The following PIK3R5 variants were observed in gnomAD, a reference collection of about 807,000 sequenced individuals.
The protein encoded by PIK3R5 is phosphoinositide-3-kinase regulatory subunit 5.
PIK3R5 carries 32 observed loss-of-function variants against 94.9 expected under a neutral mutation model. That is an observed-to-expected ratio of 0.34 (90% CI 0.25 to 0.45). The LOEUF (loss-of-function observed/expected upper bound fraction) is 0.45, where lower values mean the gene tolerates loss of function less well. Among genes scored for constraint, PIK3R5 ranks in the 20% least tolerant of loss-of-function variants. The pLI, the probability that PIK3R5 is intolerant of heterozygous loss-of-function variation, is 1.00. For synonymous variants in PIK3R5, 443 were observed against 479.4 expected, an observed-to-expected ratio of 0.92 and a Z score of 0.99; for missense variants, 853 against 1,144.6, an observed-to-expected ratio of 0.75 and a Z score of 3.68.
chr17:8,899,313 G>T (rs1185179517), intron 5 of PIK3R5, among the ~76,000 whole-genome samples: 2 of 152,138 alleles, frequency 1.3e-5, no homozygotes, highest in Non-Finnish European at 2.9e-5. Flanking sequence ...TCATTTCCAT[G>T]GCAACTGGGT....
Position 8,896,057 on chromosome 17 carries a change from C to T in PIK3R5, c.413-2402G>A, listed in dbSNP as rs1344728727. The stretch of plus-strand genomic sequence containing the variant: ...TGAGCTGGGAACACATTAGAAAAGA[C>T]TGTGCAATGTGGAGGAGGCTTTGAT... On this transcript the variant is annotated intron_variant, in intron 5 of 18. Coordinates refer to ENST00000447110, the MANE Select transcript of PIK3R5 (RefSeq NM_001142633.3). This position sits in a 1 kb window ranked among gnomAD's most constrained non-coding sequence, Gnocchi z 4.0. 6.6e-6 allele frequency among the ~76,000 whole-genome samples: 1 copy of T among 152,174 alleles called. No individual in the cohort carries two copies. Among genetic ancestry groups the T allele is most frequent in the African/African-American group, 2.4e-5 (1 of 41,434 alleles).
chr17:8,911,534 C>A lies in PIK3R5; in HGVS notation c.-13-27G>T. ...TGCATGGGGGACAGACGCCGGTCAGCTTGTCGAGCTCCTTTCCCAGAGAGC... is the reference window on the plus strand; with the variant it reads ...TGCATGGGGGACAGACGCCGGTCAGATTGTCGAGCTCCTTTCCCAGAGAGC... On this transcript the variant is annotated intron_variant, in intron 1 of 18. Coordinates refer to ENST00000447110, the MANE Select transcript of PIK3R5 (RefSeq NM_001142633.3). The surrounding 1 kb of genome is among the most constrained non-coding windows in gnomAD (Gnocchi z 5.3). The A allele has an allele frequency of 6.8e-7, 1 of 1,470,474 alleles. No individual in the cohort carries two copies. The highest frequency in any genetic ancestry group is 9.4e-7 in the Non-Finnish European group (1 of 1,067,768). 91.1% of individuals were successfully genotyped at this position (1,470,474 alleles called of 1,614,324 possible).
At position 8,960,997 on chromosome 17, in the gene PIK3R5, A is replaced by G. The variant is rs888156115; in HGVS notation, c.-14+4599T>C. On this transcript the variant is annotated intron_variant, in intron 1 of 18. Coordinates refer to ENST00000447110, the MANE Select transcript of PIK3R5 (RefSeq NM_001142633.3). The stretch of plus-strand genomic sequence containing the variant: ...AGGGTGAGCAGGCCATAGCTGTGCC[A>G]GGTCACTGGTCCCCCTGTAGGCCTG... Among the ~76,000 whole-genome samples, 121 of 152,328 alleles carry G rather than the reference A, an allele frequency of 7.9e-4. 1 individual carries two copies. Among genetic ancestry groups the G allele is most frequent in the African/African-American group, 2.6e-3 (110 of 41,560 alleles).
chr17:8,955,472 C>T lies in PIK3R5; in HGVS notation c.-14+10124G>A, dbSNP rs1291539637. ...TGGAGAAAGGAGTGGGACTCAACTT[C>T]GAAACCTGAACAGAAGACTAAGGAC... is the stretch of plus-strand genomic sequence containing the variant. On this transcript the variant is annotated intron_variant, in intron 1 of 18. Transcript: ENST00000447110. The surrounding 1 kb of genome is among the most constrained non-coding windows in gnomAD (Gnocchi z 4.4). 1.3e-5 allele frequency among the ~76,000 whole-genome samples: 2 copies of T among 152,174 alleles called. No individual in the cohort carries two copies. The highest frequency in any genetic ancestry group is 2.4e-5 in the African/African-American group (1 of 41,426).
intron 1 of PIK3R5, among the ~76,000 whole-genome samples, chr17:8,928,898 C>A (rs2090937723): frequency 1.3e-5 from 2 of 152,022 alleles, no homozygotes; most frequent in Admixed American, 1.3e-4. Flanking sequence ...TCTTAGATGG[C>A]TGAATAAAAA....
chr17:8,880,834 C>T, intron 18 of PIK3R5, 48 bp from the exon 19 acceptor site: 2 of 1,613,140 alleles, frequency 1.2e-6, no homozygotes, highest in Non-Finnish European at 1.7e-6. Context: ...CCCCATCCTT[C>T]CAGCTCCTTC....
chr17:8,947,604 CAG>C (rs1405534614), intron 1 of PIK3R5, among the ~76,000 whole-genome samples: 1 of 152,058 alleles, frequency 6.6e-6, no homozygotes, highest in Non-Finnish European at 1.5e-5. Context: ...GAAGGCAAGT[CAG>C]AGAGTGTCAC....
intron 1 of PIK3R5, among the ~76,000 whole-genome samples, chr17:8,931,278 A>G (rs12453818): frequency 0.56 from 84,730 of 152,006 alleles, 26,461 homozygotes; most frequent in Non-Finnish European, 0.7. Flanking sequence ...TTATCTCATA[A>G]AAGAGGTGAT....
Position 8,909,116 on chromosome 17 carries a change from G to A in PIK3R5, c.162C>T (p.His54=). 1 of 1,609,950 alleles carries A rather than the reference G, an allele frequency of 6.2e-7. No individual in the cohort carries two copies. Among genetic ancestry groups the A allele is most frequent in the Non-Finnish European group, 8.5e-7 (1 of 1,177,904 alleles). The stretch of plus-strand genomic sequence containing the variant: ...GGATCTGCTCAAGGAGGATAAGGAA[G>A]TGGCCCGGGTCCCTGCTGACCAGCT... ...LQELVSRDPG[H]FLILLEQILQ... The change falls in exon 3 of 19, where the codon CAC becomes CAT. Residue 54 remains histidine, a synonymous_variant. Transcript: ENST00000447110. This position sits in a 1 kb window ranked among gnomAD's most constrained non-coding sequence, Gnocchi z 4.3.
intron 14 of PIK3R5, chr17:8,885,082 C>T: frequency 2.5e-6 from 1 of 396,286 alleles, no homozygotes; most frequent in South Asian, 2.5e-5. Context: ...GGTCCTGCCT[C>T]TCCAGGGCCC....
chr17:8,888,948 T>C lies in PIK3R5; in HGVS notation c.896-57A>G, dbSNP rs2089955721. On this transcript the variant is annotated intron_variant, in intron 9 of 18. Transcript: ENST00000447110. This position sits in a 1 kb window ranked among gnomAD's most constrained non-coding sequence, Gnocchi z 7.8. ...CGTCTGGGCCCCGGATCCCCTTCTA[T>C]ATTCCCTTTGGAGGGGAGACAGCAG... is the stretch of plus-strand genomic sequence containing the variant. 4 of 1,550,754 alleles carry C rather than the reference T, an allele frequency of 2.6e-6. No homozygotes were observed. The highest frequency in any genetic ancestry group is 1.4e-5 in the African/African-American group (1 of 73,760).
At chr17:8,927,144 C>A (rs564025866) in intron 1 of PIK3R5, among the ~76,000 whole-genome samples, 17 of 152,276 alleles carry the variant, frequency 1.1e-4, no homozygotes, top group African/African-American at 4.1e-4. Flanking sequence ...AGCTGAACAG[C>A]CAGCAATCTG....
rs556074701 is a variant in PIK3R5 at position 8,896,106 on chromosome 17, A to T, written c.413-2451T>A. 6.6e-5 allele frequency among the ~76,000 whole-genome samples: 10 copies of T among 151,620 alleles called. No individual in the cohort carries two copies. The South Asian group carries it at 1.9e-3, about 28-fold the overall frequency. On this transcript the variant is annotated intron_variant, in intron 5 of 18. Coordinates refer to ENST00000447110, the MANE Select transcript of PIK3R5 (RefSeq NM_001142633.3). The surrounding 1 kb of genome is among the most constrained non-coding windows in gnomAD (Gnocchi z 4.0). ...ATAATATAAGCTTTTGTACAGACTG[A>T]CTCCTTTGAGCCTGGCTTAGAGATT...
chr17:8,956,662 G>A (rs887734321), intron 1 of PIK3R5, among the ~76,000 whole-genome samples: 5 of 152,150 alleles, frequency 3.3e-5, no homozygotes, highest in South Asian at 2.1e-4. Context: ...AGAGCTTTTC[G>A]TTTTCTCAAA....
intron 1 of PIK3R5, among the ~76,000 whole-genome samples, chr17:8,927,162 G>A (rs1016555876): frequency 4.6e-5 from 7 of 152,152 alleles, no homozygotes; most frequent in Non-Finnish European, 1.0e-4. Flanking sequence ...CTGAAAAAAT[G>A]GGTGCAGATT....
chr17:8,898,207 T>C (rs2090195441), intron 5 of PIK3R5, among the ~76,000 whole-genome samples: 1 of 152,244 alleles, frequency 6.6e-6, no homozygotes, highest in Non-Finnish European at 1.5e-5. Context: ...TGATCAGTAA[T>C]GTCCCCAGAG....
rs1186444944 is a variant in PIK3R5, at chr17:8,925,118, AG to A, written c.-13-13612del. 6.6e-6 allele frequency among the ~76,000 whole-genome samples: 1 copy of A among 152,120 alleles called. No individual in the cohort carries two copies. The highest frequency in any genetic ancestry group is 2.4e-5 in the African/African-American group (1 of 41,384). ...ATAGAAAGTAGATGGATAGATAGAT[AG>A]TAGATGGATAGATAGATAGTAGATG... is the stretch of plus-strand genomic sequence containing the variant. On this transcript the variant is annotated intron_variant, in intron 1 of 18. Transcript: ENST00000447110. The surrounding 1 kb of genome is among the most constrained non-coding windows in gnomAD (Gnocchi z 5.1).
intron 12 of PIK3R5, 52 bp downstream of exon 12, chr17:8,887,044 G>A (rs1364427856): frequency 3.1e-6 from 5 of 1,606,670 alleles, no homozygotes; most frequent in Non-Finnish European, 3.4e-6. Context: ...TCTAAGTGAG[G>A]CTGGGTGACT....
rs766364936 is a variant in PIK3R5, at chr17:8,887,135, T to C, written c.1866A>G (p.Val622=). The C allele has an allele frequency of 6.2e-7, 1 of 1,614,026 alleles. No homozygotes were observed. Among genetic ancestry groups the C allele is most frequent in the Admixed American group, 1.7e-5 (1 of 60,030 alleles). The part of the protein sequence containing the change: ...GMLDPWYERN[V]LGLMHLPPEV... Reference sequence around the variant, plus strand: ...CAGGGGGCAGGTGCATGAGGCCCAGTACATTGCGCTCATACCAGGGGTCCA... The same window carrying C: ...CAGGGGGCAGGTGCATGAGGCCCAGCACATTGCGCTCATACCAGGGGTCCA... Residue 622 remains valine, a synonymous_variant, in exon 12 of 19, where the codon GTA becomes GTG. Transcript: ENST00000447110.
Sources: gnomAD v4.1 joint callset for allele counts (sites outside exome capture counted in the v4.1 genomes callset) on GRCh38, gnomAD v4.1.1 for gene constraint, Gnocchi (gnomAD v3.1) non-coding constraint, MANE v1.5 for transcripts, NCBI Gene and HGNC (gene_info 2026-07-23, HGNC 2026-07-21) for gene names.